Variants in AMPH observed in about 807,000 individuals in gnomAD.
The protein encoded by AMPH is amphiphysin (Stiff-Mann syndrome with breast cancer 128kD autoantigen).
A neutral mutation model predicts 99.1 loss-of-function variants in AMPH; 49 were observed. The ratio of observed to expected loss-of-function variants is 0.49; its 90% confidence interval spans 0.39 to 0.63. AMPH has a LOEUF of 0.63. Ranked by LOEUF, AMPH falls within the 20% of genes least tolerant of loss-of-function variation. The probability of loss-of-function intolerance (pLI) is 0.00; values close to 1 mark genes in which losing one functional copy is unlikely to be tolerated. For missense variants in AMPH, 759 were observed against 863.4 expected, an observed-to-expected ratio of 0.88 and a Z score of 1.52; for synonymous variants, 314 against 317.3, an observed-to-expected ratio of 0.99 and a Z score of 0.11.
chr7:38,389,610 AG>A (rs1387030529), intron 20 of AMPH, among the ~76,000 whole-genome samples, 193 bp downstream of exon 20: 1 of 152,252 alleles, frequency 6.6e-6, no homozygotes, highest in Admixed American at 6.5e-5. Flanking sequence ...ATATAAAAAA[AG>A]AATGCAACAG....
intron 17 of AMPH, among the ~76,000 whole-genome samples, chr7:38,403,358 C>T (rs1784894920): frequency 1.3e-5 from 2 of 152,334 alleles, no homozygotes. Flanking sequence ...AGCACCTCTG[C>T]CCTTGTGACC....
intron 10 of AMPH, among the ~76,000 whole-genome samples, chr7:38,461,692 T>C (rs895571468): frequency 2.0e-5 from 3 of 152,332 alleles, no homozygotes; most frequent in East Asian, 3.9e-4. Flanking sequence ...GCCAGGCACA[T>C]ATACTTTAAA....
At chr7:38,533,625 G>A (rs372399415) in intron 2 of AMPH, among the ~76,000 whole-genome samples, 4 of 152,260 alleles carry the variant, frequency 2.6e-5, no homozygotes, top group Admixed American at 1.3e-4. Flanking sequence ...GGAGCAAAGG[G>A]AGCAAAATAA....
At chr7:38,448,484 A>G (rs530043998) in intron 11 of AMPH, among the ~76,000 whole-genome samples, 14 of 152,370 alleles carry the variant, frequency 9.2e-5, no homozygotes, top group African/African-American at 2.6e-4. Flanking sequence ...GTTATCAATT[A>G]GGCATAGTAA....
intron 1 of AMPH, among the ~76,000 whole-genome samples, chr7:38,545,692 C>G (rs1790970653): frequency 6.6e-6 from 1 of 152,166 alleles, no homozygotes; most frequent in Non-Finnish European, 1.5e-5. Context: ...TGCATAATCT[C>G]AGATTGGTAG....
chr7:38,401,898 T>C (rs997401857), intron 17 of AMPH, among the ~76,000 whole-genome samples: 12 of 151,980 alleles, frequency 7.9e-5, no homozygotes, highest in Admixed American at 5.9e-4. Flanking sequence ...TCTGCTTCTG[T>C]AACATTCTTA....
At chr7:38,563,430 C>T (rs1791625187) in intron 1 of AMPH, among the ~76,000 whole-genome samples, 1 of 152,160 alleles carries the variant, frequency 6.6e-6, no homozygotes, top group Non-Finnish European at 1.5e-5. Flanking sequence ...ACCTCAATTT[C>T]CTAGGAGGCT....
intron 17 of AMPH, among the ~76,000 whole-genome samples, chr7:38,416,127 T>TATATATATATATATATATATATATATG (rs1249879361): frequency 1.5e-5 from 1 of 66,470 alleles, no homozygotes. Flanking sequence ...ATATATATAT[T>TATATATATATATATATATATATATATG]AGCTATTACA....
intron 3 of AMPH, among the ~76,000 whole-genome samples, chr7:38,500,337 G>A (rs746040821): frequency 6.6e-6 from 1 of 152,028 alleles, no homozygotes; most frequent in Non-Finnish European, 1.5e-5. Flanking sequence ...TTGGAGCATC[G>A]CTTGTTAACA....
chr7:38,539,433 G>A (rs76190784), intron 1 of AMPH, among the ~76,000 whole-genome samples: 64,205 of 139,116 alleles, frequency 0.46, 13,687 homozygotes, highest in Non-Finnish European at 0.49. Flanking sequence ...GATCAAAGGA[G>A]GCAAGAGCTA....
At chr7:38,524,144 A>G (rs1444625095) in intron 2 of AMPH, among the ~76,000 whole-genome samples, 1 of 152,186 alleles carries the variant, frequency 6.6e-6, no homozygotes, top group Non-Finnish European at 1.5e-5. Flanking sequence ...TCTTCCCAGA[A>G]GCTAATTATT....
chr7:38,530,288 C>T (rs1157363357), intron 2 of AMPH, among the ~76,000 whole-genome samples: 1 of 152,234 alleles, frequency 6.6e-6, no homozygotes, highest in Non-Finnish European at 1.5e-5. Flanking sequence ...GAGCATCCAA[C>T]TCATGGGAGG....
intron 11 of AMPH, among the ~76,000 whole-genome samples, chr7:38,456,415 A>G (rs191252978): frequency 6.6e-6 from 1 of 152,294 alleles, no homozygotes; most frequent in African/African-American, 2.4e-5. Flanking sequence ...AGGACAAGCT[A>G]TTGGATCAAT....
intron 5 of AMPH, among the ~76,000 whole-genome samples, chr7:38,490,145 T>C (rs1268999324): frequency 1.3e-5 from 2 of 152,050 alleles, no homozygotes; most frequent in South Asian, 2.1e-4. Flanking sequence ...CTGGTGCACA[T>C]GGTCTTACAG....
chr7:38,532,564 T>C (rs929234107), intron 2 of AMPH, among the ~76,000 whole-genome samples: 2 of 152,046 alleles, frequency 1.3e-5, no homozygotes, highest in Non-Finnish European at 2.9e-5. Flanking sequence ...TGAAGATGAG[T>C]ATTGTATATA....
intron 1 of AMPH, among the ~76,000 whole-genome samples, chr7:38,614,158 C>A (rs1349824120): frequency 6.6e-6 from 1 of 152,164 alleles, no homozygotes; most frequent in Non-Finnish European, 1.5e-5. Flanking sequence ...CATCTAGCCA[C>A]AAATGATGCT....
intron 2 of AMPH, among the ~76,000 whole-genome samples, chr7:38,514,139 T>G (rs933461815): frequency 6.6e-6 from 1 of 152,236 alleles, no homozygotes; most frequent in African/African-American, 2.4e-5. Flanking sequence ...GTGCTCTATT[T>G]ATTGTCTGCC....
At chr7:38,407,277 A>C in intron 17 of AMPH, among the ~76,000 whole-genome samples, 1 of 140,436 alleles carries the variant, frequency 7.1e-6, no homozygotes, top group East Asian at 2.4e-4. Context: ...CTAGCTAGCT[A>C]GCTTTCTATC....
At chr7:38,537,294 T>C (rs1036537525) in intron 1 of AMPH, among the ~76,000 whole-genome samples, 4 of 152,144 alleles carry the variant, frequency 2.6e-5, no homozygotes, top group Non-Finnish European at 5.9e-5. Flanking sequence ...ATATTAATAG[T>C]GCCTACTTCA....
Sources: allele counts gnomAD v4.1 joint callset (sites outside exome capture counted in the v4.1 genomes callset), GRCh38; gene constraint gnomAD v4.1.1; transcripts MANE v1.5; gene names NCBI Gene and HGNC (gene_info 2026-07-23, HGNC 2026-07-21).